RGS17: variants seen among roughly 807,000 people sequenced by gnomAD.
The protein encoded by RGS17 is regulator of G-protein signaling 17.
A neutral mutation model predicts 25.5 loss-of-function variants in RGS17; 12 were observed. The ratio of observed to expected loss-of-function variants is 0.47; its 90% CI spans 0.30 to 0.76. RGS17 has a LOEUF of 0.76. Among genes scored for constraint, RGS17 ranks in the 30% least tolerant of loss-of-function variants. RGS17 has a pLI of 0.07. For synonymous variants in RGS17, 71 were observed against 76.9 expected (o/e 0.92, Z 0.40); for missense variants, 196 against 242.2 (o/e 0.81, Z 1.27).
At chr6:153,039,029 C>A (rs1300652868) in intron 2 of RGS17, among the ~76,000 whole-genome samples, 3 of 152,160 alleles carry the variant, frequency 2.0e-5, no homozygotes, top group African/African-American at 7.2e-5. Context: ...ACCAATTTCT[C>A]TTGAGAAGAG....
chr6:153,108,380 G>C (rs1777416156), intron 1 of RGS17, among the ~76,000 whole-genome samples: 1 of 152,094 alleles, frequency 6.6e-6, no homozygotes, highest in East Asian at 1.9e-4. Flanking sequence ...ATGTACCTCA[G>C]AATACTAGGA....
chr6:153,026,061 C>T (rs1354722573), intron 3 of RGS17, among the ~76,000 whole-genome samples: 1 of 152,034 alleles, frequency 6.6e-6, no homozygotes, highest in Non-Finnish European at 1.5e-5. Flanking sequence ...AACCAGGAGT[C>T]GCTGGGTGCC....
At chr6:153,041,143 T>C (rs1776316803) in intron 2 of RGS17, among the ~76,000 whole-genome samples, 1 of 152,160 alleles carries the variant, frequency 6.6e-6, no homozygotes. Context: ...CAAGCCTGCA[T>C]GACAGAGCAG....
intron 1 of RGS17, among the ~76,000 whole-genome samples, chr6:153,056,882 G>A (rs1002956938): frequency 5.3e-4 from 72 of 135,526 alleles, no homozygotes; most frequent in Non-Finnish European, 1.0e-3. Flanking sequence ...GTGTGTGTGT[G>A]TTTTCCTGGA....
chr6:153,057,743 C>T (rs1459171429), intron 1 of RGS17, among the ~76,000 whole-genome samples: 1 of 152,136 alleles, frequency 6.6e-6, no homozygotes, highest in Non-Finnish European at 1.5e-5. Context: ...GCTTGTTTTC[C>T]TGCAACTAGA....
intron 1 of RGS17, among the ~76,000 whole-genome samples, chr6:153,111,060 C>T (rs546572127): frequency 6.6e-6 from 1 of 151,604 alleles, no homozygotes; most frequent in Non-Finnish European, 1.5e-5. Flanking sequence ...TTTTTTCATA[C>T]CCCAGCAGTG....
intron 1 of RGS17, among the ~76,000 whole-genome samples, chr6:153,107,905 G>C (rs1777408430): frequency 6.6e-6 from 1 of 152,064 alleles, no homozygotes; most frequent in Non-Finnish European, 1.5e-5. Flanking sequence ...TCTTGCTTCA[G>C]TGCCATTCTT....
intron 1 of RGS17, among the ~76,000 whole-genome samples, chr6:153,076,487 TA>T (rs1776881658): frequency 5.9e-5 from 9 of 152,120 alleles, no homozygotes; most frequent in African/African-American, 2.2e-4. Flanking sequence ...GCGATGAACA[TA>T]TATAGAGTAT....
At chr6:153,039,524 A>G (rs1007455275) in intron 2 of RGS17, among the ~76,000 whole-genome samples, 3 of 152,130 alleles carry the variant, frequency 2.0e-5, no homozygotes, top group African/African-American at 7.2e-5. Context: ...GAGGTCTCTG[A>G]AGTTCTAATT....
chr6:153,126,554 G>C (rs1289954768), intron 1 of RGS17, among the ~76,000 whole-genome samples: 1 of 152,068 alleles, frequency 6.6e-6, no homozygotes, highest in Non-Finnish European at 1.5e-5. Context: ...AACAGCAGTG[G>C]AAACACAGGC....
In RGS17 at chr6:153,130,508, A is replaced by C. The variant is rs1554246824; in HGVS notation, c.-26+616T>G. ...TACACACACACACACACACACACAC[A>C]CCCCTCCGGTATTTTACTGCTGGTC... On this transcript the variant is annotated intron_variant, in intron 1 of 4. Transcript: ENST00000206262. The surrounding 1 kb of genome is among the most constrained non-coding windows in gnomAD (Gnocchi z 6.4). Among the ~76,000 whole-genome samples, 603 of 131,718 alleles carry C rather than the reference A, an allele frequency of 4.6e-3. 2 individuals carry two copies. The highest frequency in any genetic ancestry group is 0.012 in the African/African-American group (407 of 33,518). 86.4% of individuals were successfully genotyped at this position (131,718 alleles called of 152,430 possible).
chr6:153,086,486 C>A lies in RGS17; in HGVS notation c.-25-42443G>T, dbSNP rs563294819. Among the ~76,000 whole-genome samples, 3 of 152,316 alleles carry A rather than the reference C, an allele frequency of 2.0e-5. No individual in the cohort carries two copies. The South Asian group carries it at 6.2e-4, about 32-fold the overall frequency. ...GCCACAAACACTTTGATAGATAATA[C>A]ATTTATAACCACCTTGAAGGAAACG... is the stretch of plus-strand genomic sequence containing the variant. On this transcript the variant is annotated intron_variant, in intron 1 of 4. Transcript: ENST00000206262.
chr6:153,129,830 G>A (rs1185816321), intron 1 of RGS17, among the ~76,000 whole-genome samples: 1 of 152,256 alleles, frequency 6.6e-6, no homozygotes, highest in African/African-American at 2.4e-5. Context: ...GGGAGGTCAG[G>A]AGAGTTATGC....
chr6:153,106,204 A>G (rs1344383415), intron 1 of RGS17, among the ~76,000 whole-genome samples: 4 of 152,078 alleles, frequency 2.6e-5, no homozygotes, highest in Admixed American at 2.6e-4. Context: ...TAGAGAAGAC[A>G]GGAATGCACA....
chr6:153,071,932 G>T (rs1776808663), intron 1 of RGS17, among the ~76,000 whole-genome samples: 1 of 152,094 alleles, frequency 6.6e-6, no homozygotes, highest in Admixed American at 6.6e-5. Flanking sequence ...TAATTTACCA[G>T]GTTGTTGTTT....
chr6:153,020,109 A>ATAT (rs1371960019), intron 4 of RGS17, among the ~76,000 whole-genome samples: 103 of 60,806 alleles, frequency 1.7e-3, no homozygotes, highest in East Asian at 3.0e-3. Context: ...TTAAAAAAAA[A>ATAT]AAATATATAT....
intron 1 of RGS17, among the ~76,000 whole-genome samples, chr6:153,115,624 C>T (rs1186111289): frequency 6.6e-6 from 1 of 152,142 alleles, no homozygotes; most frequent in Non-Finnish European, 1.5e-5. Flanking sequence ...CAAGACAATC[C>T]TAAGCAAAAA....
chr6:153,109,621 A>G (rs1777438238), intron 1 of RGS17, among the ~76,000 whole-genome samples: 1 of 151,202 alleles, frequency 6.6e-6, no homozygotes, highest in African/African-American at 2.4e-5. Flanking sequence ...AATACTTTTT[A>G]TCATTTCAGA....
intron 1 of RGS17, among the ~76,000 whole-genome samples, chr6:153,072,761 TG>T (rs1776824040): frequency 6.6e-6 from 1 of 152,204 alleles, no homozygotes; most frequent in African/African-American, 2.4e-5. Flanking sequence ...TCTTCCTCCA[TG>T]GTCTAGGCTT....
Sources: gnomAD v4.1 joint callset for allele counts (sites outside exome capture counted in the v4.1 genomes callset) on GRCh38, gnomAD v4.1.1 for gene constraint, Gnocchi (gnomAD v3.1) non-coding constraint, MANE v1.5 for transcripts, NCBI Gene and HGNC (gene_info 2026-07-23, HGNC 2026-07-21) for gene names.